PIGG: variants seen among roughly 807,000 people sequenced by gnomAD.
PIGG encodes phosphatidylinositol glycan anchor biosynthesis class G (EMM blood group), also known as GPI ethanolamine phosphate transferase 2, catalytic subunit.
Under a neutral mutation model 83.2 loss-of-function variants are expected in PIGG, and 70 were observed. The ratio of observed to expected loss-of-function variants is 0.84; its 90% CI spans 0.69 to 1.03. PIGG has a LOEUF of 1.03. Among genes scored for constraint, PIGG ranks in the 50% least tolerant of loss-of-function variants. The probability of loss-of-function intolerance (pLI) is 0.00; values close to 1 mark genes in which losing one functional copy is unlikely to be tolerated. For synonymous variants in PIGG, 532 were observed against 519.5 expected (o/e 1.02, Z -0.33); for missense variants, 1,257 against 1,233.6 (o/e 1.02, Z -0.28).
Position 500,455 on chromosome 4 carries a change from C to G in PIGG, c.214C>G (p.Leu72Val), listed in dbSNP as rs113634981. Residue 72 changes from leucine to valine, a missense_variant, in exon 2 of 13, where the codon CTG (leucine) becomes GTG (valine). Leu to Val is a conservative substitution (Grantham distance 32, BLOSUM62 1). Transcript: ENST00000453061. Reference protein sequence around the residue: ...PPLFSKVVIVLIDALRDDFVF... With the variant: ...PPLFSKVVIVVIDALRDDFVF... ...TCTCTTCAGTAAAGTTGTTATTGTT[C>G]TGATAGATGCCTTGAGAGATGATTT... 1.9e-6 allele frequency: 3 copies of G among 1,613,732 alleles called. No individual in the cohort carries two copies. Among genetic ancestry groups the G allele is most frequent in the African/African-American group, 1.3e-5 (1 of 74,880 alleles).
chr4:538,230 A>G (rs1731214772), intron 12 of PIGG, among the ~76,000 whole-genome samples: 1 of 152,180 alleles, frequency 6.6e-6, no homozygotes, highest in Non-Finnish European at 1.5e-5. Context: ...AAAGTGCCCA[A>G]ATAATGTAAT....
Position 524,283 on chromosome 4 carries a change from A to G in PIGG, c.2069+370A>G, listed in dbSNP as rs145091039. ...TGCCTGGGCTGTGTGCCCCCCGCCC[A>G]TCACTCAGTGTCTGCCTGTGTCAGG... On this transcript the variant is annotated intron_variant, in intron 9 of 12. Transcript: ENST00000453061. Among the ~76,000 whole-genome samples the G allele has an allele frequency of 4.9e-3, 740 of 152,318 alleles. 6 individuals carry two copies. Among genetic ancestry groups the G allele is most frequent in the South Asian group, 0.013 (65 of 4,824 alleles).
At chr4:510,281 G>A (rs1010285357) in intron 5 of PIGG, among the ~76,000 whole-genome samples, 1 of 152,216 alleles carries the variant, frequency 6.6e-6, no homozygotes, top group African/African-American at 2.4e-5. Context: ...GGGATGGGCT[G>A]AATTAAAGGA....
chr4:522,261 G>C, intron 8 of PIGG: 1 of 570,062 alleles, frequency 1.8e-6, no homozygotes, highest in Non-Finnish European at 3.1e-6. Context: ...CCGCTGAGGG[G>C]GTGTGTGAAT....
chr4:519,298 CCCTGGCACAGCG>C (rs1483328768), intron 6 of PIGG, among the ~76,000 whole-genome samples: 3 of 152,222 alleles, frequency 2.0e-5, no homozygotes, highest in Non-Finnish European at 4.4e-5. Context: ...GCTGTGTCTC[CCCTGGCACAGCG>C]CCTGGCACAG....
chr4:539,460 C>A lies in PIGG; in HGVS notation c.*91C>A. On this transcript the variant is annotated 3_prime_UTR_variant, in exon 13 of 13. Transcript: ENST00000453061. ...TGAATTCAACAAAGTTGATGGATAA[C>A]TTTCTTTGACTGCTCTACCTGAATT... 1 of 722,592 alleles carries A rather than the reference C, an allele frequency of 1.4e-6. No individual in the cohort carries two copies. The highest frequency in any genetic ancestry group is 1.8e-5 in the South Asian group (1 of 55,928). The allele number at this position is 722,592 out of a possible 1,614,324, so 44.8% of individuals were successfully genotyped here.
At position 517,858 on chromosome 4, in the gene PIGG, G is replaced by A. The variant is rs142612067; in HGVS notation, c.1114+1673G>A. Among the ~76,000 whole-genome samples, 267 of 152,282 alleles carry A rather than the reference G, an allele frequency of 1.8e-3. 2 individuals carry two copies. The highest frequency in any genetic ancestry group is 5.8e-3 in the African/African-American group (243 of 41,554). On this transcript the variant is annotated intron_variant, in intron 6 of 12. Transcript: ENST00000453061. ...AGACAATCGACTCTGACGCAGCCGC[G>A]TTCATCAAGAATCATGTTTGATACT...
Position 527,493 on chromosome 4 carries a change from A to G in PIGG, c.2261+263A>G, listed in dbSNP as rs888366485. The G allele has an allele frequency of 4.0e-6, 5 of 1,240,350 alleles. No individual in the cohort carries two copies. In the Admixed American group the frequency reaches 1.9e-4, roughly 48 times the overall value. The allele number at this position is 1,240,350 out of a possible 1,614,324, so 76.8% of individuals were successfully genotyped here. On this transcript the variant is annotated intron_variant, in intron 10 of 12. Coordinates refer to ENST00000453061, the MANE Select transcript of PIGG (RefSeq NM_001127178.3). ...AGGAGACAAATCACTTGGAAGTAAG[A>G]TTTTTTAAATTTAAAATAAAACCTT...
At chr4:516,206 G>T in intron 6 of PIGG, 21 bp downstream of exon 6, 2 of 1,553,110 alleles carry the variant, frequency 1.3e-6, no homozygotes, top group South Asian at 2.2e-5. Flanking sequence ...TCACCGTTTC[G>T]AGCTCTGTCA....
rs1266142170 is a variant in PIGG, at chr4:528,729, A to G, written c.2261+1499A>G. On this transcript the variant is annotated intron_variant, in intron 10 of 12. Transcript: ENST00000453061. This position sits in a 1 kb window ranked among gnomAD's most constrained non-coding sequence, Gnocchi z 4.8. ...AATTCATTTCCTCACAGATCTATACACTGAATTTCAGCATCACTCATCTCA... is the reference window on the plus strand; with the variant it reads ...AATTCATTTCCTCACAGATCTATACGCTGAATTTCAGCATCACTCATCTCA... 8.1e-6 allele frequency: 8 copies of G among 985,160 alleles called. No homozygotes were observed. The highest frequency in any genetic ancestry group is 1.0e-3 in the Middle Eastern group (2 of 1,914). The allele number at this position is 985,160 out of a possible 1,614,324, so 61.0% of individuals were successfully genotyped here. A position where few individuals can be genotyped will look rare whatever the true frequency, so the allele number is the denominator to read the frequency against.
intron 11 of PIGG, 133 bp from the exon 12 acceptor site, chr4:533,685 C>T: frequency 1.3e-6 from 1 of 789,122 alleles, no homozygotes; most frequent in Non-Finnish European, 2.1e-6. Flanking sequence ...CCTCTGACCA[C>T]ACGTGTGTCC....
chr4:507,546 G>A lies in PIGG; in HGVS notation c.712G>A (p.Glu238Lys), dbSNP rs781997463. 87 of 1,613,916 alleles carry A rather than the reference G, an allele frequency of 5.4e-5. 1 individual carries two copies. In the Middle Eastern group the frequency reaches 8.3e-4, roughly 15 times the overall value. Residue 238 changes from glutamate to lysine, a missense_variant, in exon 4 of 13, where the codon GAG (glutamate) becomes AAG (lysine). Transcript: ENST00000453061. The stretch of plus-strand genomic sequence containing the variant: ...CCCCCTGATTGGGCAGAAGCTGAGC[G>A]AGATGGACAGCGTGCTGATGAAGAT... ...NSPLIGQKLS[E>K]MDSVLMKIHT...
rs557452138 is a variant in PIGG at position 518,311 on chromosome 4, T to A, written c.1114+2126T>A. Reference sequence around the variant, plus strand: ...AGAGTGATAAAAACACCAACAAAATTGGCCAGGTGTGGTGGCTCACGCCTG... The same window carrying A: ...AGAGTGATAAAAACACCAACAAAATAGGCCAGGTGTGGTGGCTCACGCCTG... On this transcript the variant is annotated intron_variant, in intron 6 of 12. Transcript: ENST00000453061. 2.6e-5 allele frequency among the ~76,000 whole-genome samples: 4 copies of A among 152,348 alleles called. No individual in the cohort carries two copies. In the South Asian group the frequency reaches 8.3e-4, roughly 32 times the overall value.
intron 11 of PIGG, 115 bp from the exon 12 acceptor site, chr4:533,703 C>T (rs899487030): frequency 9.2e-5 from 86 of 931,056 alleles, no homozygotes; most frequent in Admixed American, 2.2e-4. Flanking sequence ...TCCGTGCCGG[C>T]GTGGTTATCT....
At chr4:518,855 G>A (rs1019663431) in intron 6 of PIGG, among the ~76,000 whole-genome samples, 7 of 152,048 alleles carry the variant, frequency 4.6e-5, no homozygotes, top group Non-Finnish European at 8.8e-5. Flanking sequence ...ACTGAAATAC[G>A]TTTTAGAACC....
chr4:526,890 T>C (rs1194175299), intron 9 of PIGG, 149 bp from the exon 10 acceptor site: 2 of 925,190 alleles, frequency 2.2e-6, no homozygotes, highest in African/African-American at 3.3e-5. Flanking sequence ...AGAACCTTTG[T>C]TTGAAAATAA....
At chr4:524,808 C>T (rs1398421640) in intron 9 of PIGG, 1 of 152,196 alleles carries the variant, frequency 6.6e-6, no homozygotes, top group African/African-American at 2.4e-5. Context: ...CAGGCGCCCG[C>T]TACCATGCCT....
In PIGG at chr4:516,051, C is replaced by T. The variant is rs200979864; in HGVS notation, c.980C>T (p.Pro327Leu). 2 of 1,614,184 alleles carry T rather than the reference C, an allele frequency of 1.2e-6. No individual in the cohort carries two copies. Among genetic ancestry groups the T allele is most frequent in the African/African-American group, 1.3e-5 (1 of 75,054 alleles). The change falls in exon 6 of 13, where the codon CCA (proline) becomes CTA (leucine). Residue 327 changes from proline (P) to leucine (L), a missense_variant. Pro to Leu is a moderately conservative substitution (Grantham distance 98). Coordinates refer to ENST00000453061, the MANE Select transcript of PIGG (RefSeq NM_001127178.3). Reference sequence around the variant, plus strand: ...GCGATAGCACTTGGCTTACCGATTCCAAAAGACAGTGTAGGGAGCCTCCTA... The same window carrying T: ...GCGATAGCACTTGGCTTACCGATTCTAAAAGACAGTGTAGGGAGCCTCCTA... ...TLAIALGLPIPKDSVGSLLFP... is the reference protein window; with the variant it reads ...TLAIALGLPILKDSVGSLLFP...
chr4:512,780 A>C (rs541156254), intron 5 of PIGG, among the ~76,000 whole-genome samples: 3 of 152,028 alleles, frequency 2.0e-5, no homozygotes, highest in African/African-American at 7.2e-5. Context: ...GCACCACTGC[A>C]CTCCAGCTTG....
Sources: allele counts gnomAD v4.1 joint callset (sites outside exome capture counted in the v4.1 genomes callset), GRCh38; gene constraint gnomAD v4.1.1; non-coding constraint Gnocchi (gnomAD v3.1); transcripts MANE v1.5; gene names NCBI Gene and HGNC (gene_info 2026-07-23, HGNC 2026-07-21).